The following DNM3 variants were observed in gnomAD, a reference collection of about 807,000 sequenced individuals.
The protein encoded by DNM3 is dynamin-3.
DNM3 carries 47 observed loss-of-function variants against 101.6 expected under a neutral mutation model. The ratio of observed to expected loss-of-function variants is 0.46; its 90% CI spans 0.37 to 0.59. The LOEUF is 0.59. Ranked by LOEUF, DNM3 falls within the 20% of genes least tolerant of loss-of-function variation. The pLI, the probability that DNM3 is intolerant of heterozygous loss-of-function variation, is 0.00. For missense variants in DNM3, 849 were observed against 1,085.7 expected (o/e 0.78, Z 3.06); for synonymous variants, 385 against 387.9 (o/e 0.99, Z 0.09).
At chr1:172,274,400 T>C (rs151083864) in intron 15 of DNM3, among the ~76,000 whole-genome samples, 13 of 152,144 alleles carry the variant, frequency 8.5e-5, no homozygotes, top group African/African-American at 3.1e-4. Context: ...AGGACAGCCT[T>C]ATCACCAACA....
At chr1:172,268,407 A>G (rs1345145394) in intron 15 of DNM3, among the ~76,000 whole-genome samples, 1 of 152,012 alleles carries the variant, frequency 6.6e-6, no homozygotes, top group African/African-American at 2.4e-5. Flanking sequence ...TTGTTGTCAT[A>G]TGGTTCTGAT....
intron 14 of DNM3, among the ~76,000 whole-genome samples, chr1:172,170,705 G>T (rs764001976): frequency 6.6e-6 from 1 of 151,754 alleles, no homozygotes; most frequent in Non-Finnish European, 1.5e-5. Context: ...GACTGAAGGA[G>T]CCAGGGAGCA....
intron 4 of DNM3, among the ~76,000 whole-genome samples, chr1:172,007,540 C>T (rs2046779700): frequency 6.6e-6 from 1 of 152,022 alleles, no homozygotes; most frequent in African/African-American, 2.4e-5. Flanking sequence ...ACAAATCTTT[C>T]ATTATATATT....
intron 2 of DNM3, among the ~76,000 whole-genome samples, chr1:171,966,186 C>T (rs1311456340): frequency 1.3e-5 from 2 of 152,174 alleles, no homozygotes; most frequent in East Asian, 3.8e-4. Flanking sequence ...CCCACGTGGC[C>T]CACATCTGTT....
intron 14 of DNM3, among the ~76,000 whole-genome samples, chr1:172,199,026 C>G (rs2060056220): frequency 6.6e-6 from 1 of 152,032 alleles, no homozygotes; most frequent in Non-Finnish European, 1.5e-5. Flanking sequence ...ATCATTCCAA[C>G]TTTTTGATGT....
At chr1:172,368,314 C>A (rs2068135796) in intron 17 of DNM3, among the ~76,000 whole-genome samples, 1 of 151,754 alleles carries the variant, frequency 6.6e-6, no homozygotes, top group African/African-American at 2.4e-5. Flanking sequence ...AAATCAAAAT[C>A]AAGTGGAACT....
chr1:172,310,126 T>C (rs1226710402), intron 16 of DNM3: 1 of 152,236 alleles, frequency 6.6e-6, no homozygotes, highest in Non-Finnish European at 1.5e-5. Flanking sequence ...TTTGCATAGA[T>C]ATATACCACT....
intron 4 of DNM3, among the ~76,000 whole-genome samples, chr1:171,993,498 C>CTTTTTTTTTTTTTTTTTTT (rs145178902): frequency 3.9e-5 from 5 of 128,692 alleles, no homozygotes; most frequent in African/African-American, 8.8e-5. Flanking sequence ...TTTCAAGATT[C>CTTTTTTTTTTTTTTTTTTT]TTTTTTTTTT....
chr1:172,134,063 G>A (rs1410390728), intron 14 of DNM3, among the ~76,000 whole-genome samples: 3 of 152,264 alleles, frequency 2.0e-5, no homozygotes, highest in South Asian at 4.1e-4. Context: ...TGAAGGGAGC[G>A]GGGATGGCTA....
At chr1:172,261,485 G>A (rs561064348) in intron 15 of DNM3, among the ~76,000 whole-genome samples, 1 of 152,304 alleles carries the variant, frequency 6.6e-6, no homozygotes, top group East Asian at 1.9e-4. Flanking sequence ...ACACTAGGTG[G>A]GCTAGTCTTT....
intron 4 of DNM3, among the ~76,000 whole-genome samples, chr1:171,998,693 T>G (rs1390203396): frequency 6.6e-6 from 1 of 151,916 alleles, no homozygotes; most frequent in Admixed American, 6.6e-5. Context: ...GAAAAATAAG[T>G]GCTGCAAAGA....
chr1:172,385,986 CAGA>C (rs956858782), intron 18 of DNM3, among the ~76,000 whole-genome samples: 3 of 152,172 alleles, frequency 2.0e-5, no homozygotes, highest in African/African-American at 7.2e-5. Flanking sequence ...GACTTCAAGT[CAGA>C]AGGTTATGGA....
intron 14 of DNM3, among the ~76,000 whole-genome samples, chr1:172,153,591 A>G (rs74425868): frequency 0.36 from 53,933 of 151,676 alleles, 12,221 homozygotes; most frequent in African/African-American, 0.62. Context: ...TTCAGCACGA[A>G]ACTTTCTCTG....
intron 16 of DNM3, among the ~76,000 whole-genome samples, chr1:172,322,397 CCCCCA>C (rs1432343346): frequency 6.6e-6 from 1 of 152,198 alleles, no homozygotes; most frequent in African/African-American, 2.4e-5. Flanking sequence ...CATCACGTCT[CCCCCA>C]CAGGATCTGA....
chr1:172,291,404 C>A (rs973597904), intron 15 of DNM3, among the ~76,000 whole-genome samples: 3 of 152,126 alleles, frequency 2.0e-5, no homozygotes, highest in East Asian at 1.9e-4. Context: ...GAAGTTCATG[C>A]GGACCTTAGG....
intron 4 of DNM3, among the ~76,000 whole-genome samples, chr1:172,001,994 A>G (rs1425422171): frequency 6.6e-6 from 1 of 152,064 alleles, no homozygotes; most frequent in Non-Finnish European, 1.5e-5. Context: ...ACATCCAGGC[A>G]TTGTCAACAC....
intron 17 of DNM3, among the ~76,000 whole-genome samples, chr1:172,328,230 A>G (rs987599904): frequency 6.6e-6 from 1 of 152,180 alleles, no homozygotes; most frequent in Non-Finnish European, 1.5e-5. Context: ...AATAATGTTT[A>G]GGACTTCATA....
intron 2 of DNM3, among the ~76,000 whole-genome samples, chr1:171,956,550 G>A (rs1490787359): frequency 1.3e-5 from 2 of 152,146 alleles, no homozygotes; most frequent in African/African-American, 4.8e-5. Context: ...GGCTGGCATT[G>A]GGTGTCTGTG....
At chr1:172,114,532 G>T (rs1363433989) in intron 13 of DNM3, among the ~76,000 whole-genome samples, 1 of 152,166 alleles carries the variant, frequency 6.6e-6, no homozygotes, top group African/African-American at 2.4e-5. Context: ...GAGTACAAAG[G>T]AAATAAGGTA....
Sources: gnomAD v4.1 joint callset for allele counts (sites outside exome capture counted in the v4.1 genomes callset) on GRCh38, gnomAD v4.1.1 for gene constraint, MANE v1.5 for transcripts, NCBI Gene and HGNC (gene_info 2026-07-23, HGNC 2026-07-21) for gene names.